The following KCNIP4 variants were observed in gnomAD, a reference collection of about 807,000 sequenced individuals.
KCNIP4 encodes the protein potassium voltage-gated channel interacting protein 4.
A neutral mutation model predicts 34.0 loss-of-function variants in KCNIP4; 12 were observed. The observed-to-expected ratio is 0.35, with a 90% CI of 0.23 to 0.57. KCNIP4 has a LOEUF of 0.57. KCNIP4 is among the 20% of genes least tolerant of loss of function. The probability of loss-of-function intolerance (pLI) is 0.83; values close to 1 mark genes in which losing one functional copy is unlikely to be tolerated. For synonymous variants in KCNIP4, 124 were observed against 102.2 expected (o/e 1.21, Z -1.29); for missense variants, 238 against 311.7 (o/e 0.76, Z 1.78).
At chr4:21,512,184 CGAACGAAG>C (rs1734391474) in intron 1 of KCNIP4, among the ~76,000 whole-genome samples, 3 of 136,710 alleles carry the variant, frequency 2.2e-5, no homozygotes, top group South Asian at 2.3e-4. Flanking sequence ...AAGGAAGGAA[CGAACGAAG>C]GAACGAACGA....
chr4:20,812,783 A>G (rs1034886335), intron 3 of KCNIP4, among the ~76,000 whole-genome samples: 1 of 152,058 alleles, frequency 6.6e-6, no homozygotes, highest in African/African-American at 2.4e-5. Context: ...GCTTGGGATG[A>G]GGGAACCATC....
intron 1 of KCNIP4, among the ~76,000 whole-genome samples, chr4:21,666,595 T>C (rs1165076967): frequency 6.6e-6 from 1 of 152,224 alleles, no homozygotes; most frequent in Non-Finnish European, 1.5e-5. Context: ...TCTACTGATT[T>C]GAACATAAAG....
intron 1 of KCNIP4, among the ~76,000 whole-genome samples, chr4:21,924,796 C>T (rs1729142585): frequency 6.6e-6 from 1 of 151,908 alleles, no homozygotes; most frequent in Non-Finnish European, 1.5e-5. Context: ...TTCCTATACC[C>T]CTCTCCTCCC....
At chr4:21,835,439 C>T in intron 1 of KCNIP4, among the ~76,000 whole-genome samples, 1 of 152,210 alleles carries the variant, frequency 6.6e-6, no homozygotes, top group East Asian at 1.9e-4. Context: ...CTACTAACTT[C>T]TAAAAAAATT....
At chr4:20,947,809 C>G (rs1434951) in intron 1 of KCNIP4, among the ~76,000 whole-genome samples, 2 of 151,940 alleles carry the variant, frequency 1.3e-5, no homozygotes, top group Non-Finnish European at 1.5e-5. Flanking sequence ...ACGGCAGCTC[C>G]TAATCTGTTA....
intron 1 of KCNIP4, among the ~76,000 whole-genome samples, chr4:20,964,688 T>C (rs1406317545): frequency 6.6e-6 from 1 of 152,214 alleles, no homozygotes; most frequent in Non-Finnish European, 1.5e-5. Flanking sequence ...ATTGTGAATG[T>C]TGACTATATT....
chr4:21,887,005 T>C (rs1199208813), intron 1 of KCNIP4, among the ~76,000 whole-genome samples: 9 of 152,130 alleles, frequency 5.9e-5, no homozygotes, highest in African/African-American at 2.2e-4. Context: ...AAAGATCTAC[T>C]AAGCAGCAAG....
At chr4:20,982,437 G>C (rs1736154831) in intron 1 of KCNIP4, among the ~76,000 whole-genome samples, 1 of 152,156 alleles carries the variant, frequency 6.6e-6, no homozygotes, top group Admixed American at 6.5e-5. Flanking sequence ...TGTAACATTG[G>C]AGAAACCTGC....
intron 1 of KCNIP4, among the ~76,000 whole-genome samples, chr4:21,039,284 C>T (rs780895050): frequency 6.6e-6 from 1 of 151,582 alleles, no homozygotes; most frequent in Non-Finnish European, 1.5e-5. Context: ...ATTGCTTGAA[C>T]CAGGGAACAA....
In KCNIP4 at chr4:21,647,022, T is replaced by C. The variant is rs530459321; in HGVS notation, c.61+301549A>G. Among the ~76,000 whole-genome samples the C allele has an allele frequency of 1.0e-3, 152 of 152,256 alleles. 4 individuals are homozygous for C. The South Asian group carries it at 0.025, about 25-fold the overall frequency. On this transcript the variant is annotated intron_variant, in intron 1 of 8. Coordinates refer to ENST00000382152, the MANE Select transcript of KCNIP4 (RefSeq NM_025221.6). ...ACCACAACAGTTTTTCAGTCTTTTG[T>C]AATTGAAAGTGAATAGAATGGTGAT...
At chr4:21,417,696 G>A (rs767376345) in intron 1 of KCNIP4, among the ~76,000 whole-genome samples, 14 of 152,270 alleles carry the variant, frequency 9.2e-5, no homozygotes, top group Non-Finnish European at 1.6e-4. Flanking sequence ...GAGATGTCAT[G>A]AAGTAGTCCT....
At chr4:21,189,517 T>C (rs1469983014) in intron 1 of KCNIP4, among the ~76,000 whole-genome samples, 1 of 152,224 alleles carries the variant, frequency 6.6e-6, no homozygotes, top group Non-Finnish European at 1.5e-5. Context: ...TTCATAAAAT[T>C]GTGTACAAAA....
At chr4:21,152,483 C>A (rs1752826238) in intron 1 of KCNIP4, among the ~76,000 whole-genome samples, 1 of 152,016 alleles carries the variant, frequency 6.6e-6, no homozygotes, top group Non-Finnish European at 1.5e-5. Context: ...CACTGCCCCA[C>A]CAAACTCATA....
chr4:20,918,503 C>T (rs1729063347), intron 1 of KCNIP4, among the ~76,000 whole-genome samples: 1 of 152,066 alleles, frequency 6.6e-6, no homozygotes, highest in Admixed American at 6.6e-5. Flanking sequence ...TTTATTTCCT[C>T]TGAGAAGATG....
intron 1 of KCNIP4, among the ~76,000 whole-genome samples, chr4:21,266,920 C>T (rs16870672): frequency 0.11 from 17,413 of 152,116 alleles, 1,141 homozygotes; most frequent in African/African-American, 0.17. Flanking sequence ...ATTGCCTTAA[C>T]GATCCAAGTG....
chr4:21,332,678 T>A (rs1715776232), intron 1 of KCNIP4, among the ~76,000 whole-genome samples: 1 of 151,878 alleles, frequency 6.6e-6, no homozygotes, highest in Non-Finnish European at 1.5e-5. Context: ...TAAACCCTTC[T>A]CTCCATTTCC....
intron 1 of KCNIP4, among the ~76,000 whole-genome samples, chr4:20,934,896 A>C (rs1730897370): frequency 6.6e-6 from 1 of 152,186 alleles, no homozygotes; most frequent in Non-Finnish European, 1.5e-5. Context: ...GTCAGCAGGG[A>C]CGTACTTCCT....
At position 21,596,313 on chromosome 4, in the gene KCNIP4, G is replaced by A. The variant is rs536137392; in HGVS notation, c.61+352258C>T. Among the ~76,000 whole-genome samples the A allele has an allele frequency of 2.6e-5, 4 of 152,168 alleles. No homozygotes were observed. The East Asian group carries it at 7.7e-4, about 29-fold the overall frequency. ...CAGTACACCATAATTGGGCTTCAAAGGCAATTTTTATTAATGCTTCTTGTA... is the reference window on the plus strand; with the variant it reads ...CAGTACACCATAATTGGGCTTCAAAAGCAATTTTTATTAATGCTTCTTGTA... On this transcript the variant is annotated intron_variant, in intron 1 of 8. Transcript: ENST00000382152.
intron 1 of KCNIP4, among the ~76,000 whole-genome samples, chr4:21,639,496 T>C (rs1746458888): frequency 6.6e-6 from 1 of 152,204 alleles, no homozygotes. Context: ...TTATATTGTA[T>C]CACAATTAAA....
Sources: allele counts gnomAD v4.1 joint callset (sites outside exome capture counted in the v4.1 genomes callset), GRCh38; gene constraint gnomAD v4.1.1; transcripts MANE v1.5; gene names NCBI Gene and HGNC (gene_info 2026-07-23, HGNC 2026-07-21).